The following LRRC4B variants were observed in gnomAD, a reference collection of about 807,000 sequenced individuals.
LRRC4B encodes the protein leucine rich repeat containing 4B.
LRRC4B carries 1 observed loss-of-function variant against 7.3 expected under a neutral mutation model. The ratio of observed to expected loss-of-function variants is 0.14; its 90% CI spans 0.05 to 0.65. The LOEUF (loss-of-function observed/expected upper bound fraction) is 0.65. Among genes scored for constraint, LRRC4B ranks in the 30% least tolerant of loss-of-function variants. The pLI is 0.84. For synonymous variants in LRRC4B, 500 were observed against 499.2 expected (o/e 1.00, Z -0.02); for missense variants, 730 against 1,041.6 (o/e 0.70, Z 4.12).
intron 1 of LRRC4B, among the ~76,000 whole-genome samples, chr19:50,565,362 C>T (rs547200379): frequency 1.6e-4 from 24 of 152,314 alleles, no homozygotes; most frequent in African/African-American, 4.8e-4. Context: ...GGTCTGTGTA[C>T]GAAGGACTGT....
intron 2 of LRRC4B, among the ~76,000 whole-genome samples, chr19:50,530,244 C>G (rs1980996711): frequency 6.6e-6 from 1 of 152,188 alleles, no homozygotes; most frequent in African/African-American, 2.4e-5. Context: ...CTCTGCCCTC[C>G]TCTAGACGCC....
At chr19:50,565,190 C>T (rs1484921584) in intron 1 of LRRC4B, among the ~76,000 whole-genome samples, 1 of 152,178 alleles carries the variant, frequency 6.6e-6, no homozygotes. Context: ...GTGTGTGCGC[C>T]ACAGTGCACA....
At chr19:50,545,408 CAAAA>C (rs58857784) in intron 2 of LRRC4B, among the ~76,000 whole-genome samples, 1 of 78,754 alleles carries the variant, frequency 1.3e-5, no homozygotes, top group Non-Finnish European at 2.4e-5. Flanking sequence ...AACTCCATCT[CAAAA>C]AAAAAAAAAA....
chr19:50,564,888 A>G (rs996607900), intron 1 of LRRC4B, among the ~76,000 whole-genome samples: 3 of 151,038 alleles, frequency 2.0e-5, no homozygotes, highest in African/African-American at 7.4e-5. Context: ...CCCGCCCCCA[A>G]TCCCCAACCC....
At chr19:50,542,243 A>G (rs1368265620) in intron 2 of LRRC4B, among the ~76,000 whole-genome samples, 1 of 152,136 alleles carries the variant, frequency 6.6e-6, no homozygotes, top group East Asian at 1.9e-4. Flanking sequence ...CGAGGAGTGG[A>G]CAGGCTGGGC....
intron 2 of LRRC4B, among the ~76,000 whole-genome samples, chr19:50,521,326 G>A (rs1002465550): frequency 1.3e-5 from 2 of 152,096 alleles, no homozygotes; most frequent in African/African-American, 4.8e-5. Context: ...ATTGAAAGGT[G>A]CTACATTGGC....
rs113063924 is a variant in LRRC4B, at chr19:50,539,811, C to T, written c.297+8731G>A. Among the ~76,000 whole-genome samples the T allele has an allele frequency of 9.0e-3, 1,359 of 150,678 alleles. 23 individuals are homozygous for T. The highest frequency in any genetic ancestry group is 0.03 in the African/African-American group (1,245 of 40,986). ...CTGAGGCAGGAGAATTGCTTGAACC[C>T]GAGAGGTGGAAGTTGCAGTGAACCG... On this transcript the variant is annotated intron_variant, in intron 2 of 2. Coordinates refer to ENST00000652263, the MANE Select transcript of LRRC4B (RefSeq NM_001080457.2).
intron 2 of LRRC4B, among the ~76,000 whole-genome samples, chr19:50,522,943 C>T (rs528416241): frequency 1.3e-5 from 2 of 152,322 alleles, no homozygotes; most frequent in African/African-American, 2.4e-5. Flanking sequence ...GAGTTTCACA[C>T]GAAGGATGAT....
Position 50,563,771 on chromosome 19 carries a change from C to T in LRRC4B, c.-36+4173G>A, listed in dbSNP as rs1197887219. Among the ~76,000 whole-genome samples, 2 of 152,216 alleles carry T rather than the reference C, an allele frequency of 1.3e-5. No homozygotes were observed. The highest frequency in any genetic ancestry group is 2.4e-5 in the African/African-American group (1 of 41,456). ...CCTTCACGCAACGCTGACTTTCCAA[C>T]ACTGTGAGGGGCTGGCAGTTTCACA... On this transcript the variant is annotated intron_variant, in intron 1 of 2. Transcript: ENST00000652263. This position sits in a 1 kb window ranked among gnomAD's most constrained non-coding sequence, Gnocchi z 4.9.
rs36120704 is a variant in LRRC4B at position 50,536,137 on chromosome 19, CT to C, written c.297+12404del. On this transcript the variant is annotated intron_variant, in intron 2 of 2. Coordinates refer to ENST00000652263, the MANE Select transcript of LRRC4B (RefSeq NM_001080457.2). ...GCTGCTACTGGACTTGTTTACCTTC[CT>C]TTTTTTTTTTTTTATGATGGAGTCT... Among the ~76,000 whole-genome samples the C allele has an allele frequency of 3.8e-3, 554 of 144,788 alleles. 2 individuals are homozygous for C. Among genetic ancestry groups the C allele is most frequent in the African/African-American group, 7.5e-3 (300 of 40,012 alleles). 95.0% of individuals were successfully genotyped at this position (144,788 alleles called of 152,430 possible).
chr19:50,525,096 C>G (rs149901014), intron 2 of LRRC4B, among the ~76,000 whole-genome samples: 1 of 152,182 alleles, frequency 6.6e-6, no homozygotes, highest in African/African-American at 2.4e-5. Flanking sequence ...TGGACAGACA[C>G]GGAAACAGAG....
chr19:50,545,197 C>T (rs1002836587), intron 2 of LRRC4B, among the ~76,000 whole-genome samples: 19 of 150,660 alleles, frequency 1.3e-4, no homozygotes, highest in African/African-American at 2.4e-4. Context: ...CATCTGAGGT[C>T]GGGAGTTCGA....
intron 1 of LRRC4B, among the ~76,000 whole-genome samples, chr19:50,566,734 G>A (rs1982641673): frequency 4.0e-5 from 6 of 151,366 alleles, no homozygotes; most frequent in Admixed American, 3.9e-4. Flanking sequence ...TGGAAGGAGA[G>A]GCTCCCAAAA....
At chr19:50,523,113 G>A (rs568871904) in intron 2 of LRRC4B, among the ~76,000 whole-genome samples, 2 of 152,328 alleles carry the variant, frequency 1.3e-5, no homozygotes, top group East Asian at 3.9e-4. Flanking sequence ...CACGGGAGGG[G>A]CAGTGCTGGG....
rs1982286590 is a variant in LRRC4B, at chr19:50,556,678, G to C, written c.-35-7805C>G. On this transcript the variant is annotated intron_variant, in intron 1 of 2. Coordinates refer to ENST00000652263, the MANE Select transcript of LRRC4B (RefSeq NM_001080457.2). This position sits in a 1 kb window ranked among gnomAD's most constrained non-coding sequence, Gnocchi z 4.2. ...TGAGGGCTTTGCCGCGGCGTCCACG[G>C]CTGCATCCTCAAGGCCGGCCAACGG... 6.6e-6 allele frequency among the ~76,000 whole-genome samples: 1 copy of C among 152,168 alleles called. No individual in the cohort carries two copies. Among genetic ancestry groups the C allele is most frequent in the Admixed American group, 6.5e-5 (1 of 15,290 alleles).
chr19:50,526,520 A>G (rs1260949042), intron 2 of LRRC4B, among the ~76,000 whole-genome samples: 1 of 152,124 alleles, frequency 6.6e-6, no homozygotes, highest in Non-Finnish European at 1.5e-5. Context: ...GTCTTGCGCA[A>G]TGAAGGACTC....
chr19:50,552,623 T>TCCGC (rs1568733870), intron 1 of LRRC4B, among the ~76,000 whole-genome samples: 30 of 111,398 alleles, frequency 2.7e-4, no homozygotes, highest in East Asian at 4.5e-4. Context: ...CATCCATCCA[T>TCCGC]CCATTCATCC....
intron 2 of LRRC4B, among the ~76,000 whole-genome samples, chr19:50,525,762 G>GC (rs1184994115): frequency 2.0e-5 from 3 of 151,664 alleles, no homozygotes; most frequent in African/African-American, 7.3e-5. Flanking sequence ...AATCAGGGCC[G>GC]CCCCCATCCT....
At chr19:50,523,472 G>A (rs1980668796) in intron 2 of LRRC4B, among the ~76,000 whole-genome samples, 1 of 139,180 alleles carries the variant, frequency 7.2e-6, no homozygotes, top group Admixed American at 7.7e-5. Flanking sequence ...GAGGTTGGGA[G>A]TTTGAGACCA....
Sources: gnomAD v4.1 joint callset for allele counts (sites outside exome capture counted in the v4.1 genomes callset) on GRCh38, gnomAD v4.1.1 for gene constraint, Gnocchi (gnomAD v3.1) non-coding constraint, MANE v1.5 for transcripts, NCBI Gene and HGNC (gene_info 2026-07-23, HGNC 2026-07-21) for gene names.